Variants in STIM2 observed in about 807,000 individuals in gnomAD.
The protein encoded by STIM2 is stromal interaction molecule 2.
A neutral mutation model predicts 85.8 loss-of-function variants in STIM2; 31 were observed. The ratio of observed to expected loss-of-function variants is 0.36; its 90% CI spans 0.27 to 0.49. The LOEUF (loss-of-function observed/expected upper bound fraction) is 0.49, where lower values mean the gene tolerates loss of function less well. Among genes scored for constraint, STIM2 ranks in the 20% least tolerant of loss-of-function variants. The probability of loss-of-function intolerance (pLI) is 0.98; values close to 1 mark genes in which losing one functional copy is unlikely to be tolerated. For missense variants in STIM2, 841 were observed against 927.6 expected (o/e 0.91, Z 1.21); for synonymous variants, 356 against 331.1 (o/e 1.08, Z -0.82).
At chr4:26,970,199 G>GTA (rs67648567) in intron 3 of STIM2, among the ~76,000 whole-genome samples, 33 of 91,126 alleles carry the variant, frequency 3.6e-4, no homozygotes, top group African/African-American at 7.9e-4. Flanking sequence ...TAGTGTGTGT[G>GTA]TATATATATA....
At position 27,002,397 on chromosome 4, in the gene STIM2, A is replaced by G. The variant is rs747739641; in HGVS notation, c.803+3A>G. ...AGTCTAATGGACTTACAGGAGAGGT[A>G]AGTTCAGAAAAATCATAACTCATTT... On this transcript the variant is annotated splice_donor_region_variant and intron_variant, in intron 6 of 11. Coordinates refer to ENST00000467087, the MANE Select transcript of STIM2 (RefSeq NM_020860.4). The G allele has an allele frequency of 3.2e-6, 5 of 1,583,910 alleles. No homozygotes were observed. Among genetic ancestry groups the G allele is most frequent in the South Asian group, 1.2e-5 (1 of 85,548 alleles).
Position 26,910,212 on chromosome 4 carries a change from A to G in STIM2, c.152-9292A>G, listed in dbSNP as rs142159642. 3.3e-3 allele frequency among the ~76,000 whole-genome samples: 506 copies of G among 152,272 alleles called. 2 individuals are homozygous for G. The highest frequency in any genetic ancestry group is 0.012 in the African/African-American group (486 of 41,558). ...TCATTGTTTTCTAGGAATTTACAGT[A>G]TAAAACAGTAGAGAAAATTAGAAAG... On this transcript the variant is annotated intron_variant, in intron 1 of 11. Coordinates refer to ENST00000467087, the MANE Select transcript of STIM2 (RefSeq NM_020860.4).
At chr4:27,016,668 C>T (rs1313184974) in intron 10 of STIM2, among the ~76,000 whole-genome samples, 1 of 152,060 alleles carries the variant, frequency 6.6e-6, no homozygotes, top group Non-Finnish European at 1.5e-5. Context: ...AGAATTTTAC[C>T]CTTTCACTGA....
At chr4:26,966,218 T>C (rs1050150600) in intron 3 of STIM2, among the ~76,000 whole-genome samples, 3 of 152,150 alleles carry the variant, frequency 2.0e-5, no homozygotes, top group Non-Finnish European at 4.4e-5. Context: ...TTGGACATCA[T>C]ATTGTCCTTT....
At chr4:26,884,191 C>A (rs962083007) in intron 1 of STIM2, among the ~76,000 whole-genome samples, 1 of 152,002 alleles carries the variant, frequency 6.6e-6, no homozygotes, top group Non-Finnish European at 1.5e-5. Context: ...TGAGCCCCTT[C>A]GATGTGGGAG....
Position 26,861,936 on chromosome 4 carries a change from A to AT in STIM2, c.151+573dup, listed in dbSNP as rs577696898. Reference sequence around the variant, plus strand: ...GCAGAAATGCCTAAGTTTACAGTGCATTTTTTGCGGGGTGGAAGGAGGCCG... The same window carrying AT: ...GCAGAAATGCCTAAGTTTACAGTGCATTTTTTTGCGGGGTGGAAGGAGGCCG... On this transcript the variant is annotated intron_variant, in intron 1 of 11. Coordinates refer to ENST00000467087, the MANE Select transcript of STIM2 (RefSeq NM_020860.4). 3.1e-3 allele frequency among the ~76,000 whole-genome samples: 477 copies of AT among 152,192 alleles called. 2 individuals are homozygous for AT. The highest frequency in any genetic ancestry group is 0.011 in the African/African-American group (441 of 41,526).
At chr4:26,989,414 T>C (rs1727687714) in intron 3 of STIM2, among the ~76,000 whole-genome samples, 3 of 152,170 alleles carry the variant, frequency 2.0e-5, no homozygotes, top group Admixed American at 2.0e-4. Flanking sequence ...TCAGCATCCC[T>C]TCATGATAAA....
At position 27,022,642 on chromosome 4, in the gene STIM2, G is replaced by A. The variant is rs1728951227; in HGVS notation, c.1887G>A (p.Glu629=). ...CTCCGCGAAAGATATCAAGAGATGA[G>A]GTGTCCCTAGAGGATTCCTCCCGAG... is the stretch of plus-strand genomic sequence containing the variant. Residue 629 remains glutamate, a synonymous_variant, in exon 12 of 12, where the codon GAG becomes GAA. Coordinates refer to ENST00000467087, the MANE Select transcript of STIM2 (RefSeq NM_020860.4). 4 of 1,614,062 alleles carry A rather than the reference G, an allele frequency of 2.5e-6. No individual in the cohort carries two copies. The highest frequency in any genetic ancestry group is 3.4e-6 in the Non-Finnish European group (4 of 1,180,024).
chr4:26,935,729 A>C (rs1423746523), intron 2 of STIM2, among the ~76,000 whole-genome samples: 5 of 152,212 alleles, frequency 3.3e-5, no homozygotes, highest in Admixed American at 3.3e-4. Context: ...GAAGCTCTTT[A>C]TCTTGACCTT....
chr4:26,917,320 C>G (rs1477084257), intron 1 of STIM2, among the ~76,000 whole-genome samples: 1 of 152,112 alleles, frequency 6.6e-6, no homozygotes, highest in Non-Finnish European at 1.5e-5. Flanking sequence ...TTGTTAGGTT[C>G]ATAGTCCCCA....
At chr4:26,950,005 T>C (rs1238107976) in intron 2 of STIM2, among the ~76,000 whole-genome samples, 2 of 152,228 alleles carry the variant, frequency 1.3e-5, no homozygotes, top group Non-Finnish European at 2.9e-5. Flanking sequence ...TTTTAAGTGC[T>C]TACAGGTACT....
chr4:26,999,153 T>C, intron 4 of STIM2, 79 bp from the exon 5 acceptor site: 1 of 536,822 alleles, frequency 1.9e-6, no homozygotes, highest in Non-Finnish European at 2.8e-6. Flanking sequence ...AATGTGTTGC[T>C]CAAATATTTA....
intron 2 of STIM2, among the ~76,000 whole-genome samples, chr4:26,950,881 T>G (rs1477952440): frequency 4.6e-5 from 7 of 152,116 alleles, no homozygotes; most frequent in Non-Finnish European, 8.8e-5. Flanking sequence ...TATGAAAATG[T>G]ACATTAGAAG....
chr4:26,983,990 TAAAGCTATAATTGA>T (rs1212872023), intron 3 of STIM2, among the ~76,000 whole-genome samples: 1 of 152,240 alleles, frequency 6.6e-6, no homozygotes, highest in Non-Finnish European at 1.5e-5. Context: ...CAAACAGTTG[TAAAGCTATAATTGA>T]AAAGCTATAA....
chr4:26,949,510 A>G (rs1341833391), intron 2 of STIM2, among the ~76,000 whole-genome samples: 1 of 152,168 alleles, frequency 6.6e-6, no homozygotes, highest in African/African-American at 2.4e-5. Flanking sequence ...TTTATTATAT[A>G]TATGTATAGT....
At chr4:26,973,919 C>A (rs1390748004) in intron 3 of STIM2, among the ~76,000 whole-genome samples, 1 of 152,176 alleles carries the variant, frequency 6.6e-6, no homozygotes, top group African/African-American at 2.4e-5. Flanking sequence ...AATCTGGTTG[C>A]TCCTGTATTG....
chr4:26,868,185 C>A (rs909452183), intron 1 of STIM2, among the ~76,000 whole-genome samples: 4 of 152,204 alleles, frequency 2.6e-5, no homozygotes, highest in African/African-American at 9.6e-5. Context: ...CCCTCCAGTA[C>A]ACACAGGCTG....
At chr4:26,950,710 C>T (rs886988521) in intron 2 of STIM2, among the ~76,000 whole-genome samples, 4 of 152,120 alleles carry the variant, frequency 2.6e-5, no homozygotes, top group Non-Finnish European at 4.4e-5. Context: ...CTCAGTTATT[C>T]TGTTATAGCA....
At chr4:26,983,950 G>GA (rs1727491537) in intron 3 of STIM2, among the ~76,000 whole-genome samples, 1 of 152,072 alleles carries the variant, frequency 6.6e-6, no homozygotes, top group African/African-American at 2.4e-5. Context: ...AATTCTAAGA[G>GA]AAAAAAGTGT....
Sources: gnomAD v4.1 joint callset for allele counts (sites outside exome capture counted in the v4.1 genomes callset) on GRCh38, gnomAD v4.1.1 for gene constraint, MANE v1.5 for transcripts, NCBI Gene and HGNC (gene_info 2026-07-23, HGNC 2026-07-21) for gene names.